The following METTL2B variants were observed in gnomAD, a reference collection of about 807,000 sequenced individuals.
METTL2B encodes tRNA N(3)-cytidine methyltransferase METTL2B.
Under a neutral mutation model 51.0 loss-of-function variants are expected in METTL2B, and 28 were observed. The ratio of observed to expected loss-of-function variants is 0.55; its 90% CI spans 0.41 to 0.75. The LOEUF (loss-of-function observed/expected upper bound fraction) is 0.75, where lower values mean the gene tolerates loss of function less well. Ranked by LOEUF, METTL2B falls within the 30% of genes least tolerant of loss-of-function variation. The pLI is 0.00. For synonymous variants in METTL2B, 128 were observed against 166.3 expected (o/e 0.77, Z 1.77); for missense variants, 313 against 460.7 (o/e 0.68, Z 2.93).
intron 7 of METTL2B, among the ~76,000 whole-genome samples, chr7:128,498,409 G>A (rs1037732960): frequency 1.3e-5 from 2 of 151,820 alleles, no homozygotes; most frequent in African/African-American, 4.8e-5. Flanking sequence ...GGGTAGATAG[G>A]TGCAGCAAAC....
In METTL2B at chr7:128,500,929, G is replaced by A. The variant is rs139332186; in HGVS notation, c.943G>A (p.Val315Met). 4.9e-5 allele frequency: 79 copies of A among 1,614,116 alleles called. No homozygotes were observed. In the African/African-American group the frequency reaches 8.5e-4, roughly 17 times the overall value. ...KGQCLSGNFY[V>M]RGDGTRVYFF... ...TCAGTGTCTATCTGGAAATTTCTAT[G>A]TGAGAGGTGATGGAACCAGAGTTTA... is the stretch of plus-strand genomic sequence containing the variant. The change falls in exon 8 of 9, where the codon GTG (valine) becomes ATG (methionine). Residue 315 changes from valine (V) to methionine (M), a missense_variant. Around this residue, in one of 4 missense-constraint regions of METTL2B, gnomAD observed 138 missense variants for 187.6 expected, o/e 0.74. Coordinates refer to ENST00000262432, the MANE Select transcript of METTL2B (RefSeq NM_018396.3).
In METTL2B at chr7:128,503,923, GGGAGGC is replaced by G. The variant is rs1793075499; in HGVS notation, c.*2013_*2018del. The G allele has an allele frequency of 6.6e-6, 1 of 152,114 alleles. No homozygotes were observed. Among genetic ancestry groups the G allele is most frequent in the Non-Finnish European group, 1.5e-5 (1 of 68,030 alleles). The allele number at this position is 152,114 out of a possible 1,614,324, so 9.4% of individuals were successfully genotyped here. On this transcript the variant is annotated 3_prime_UTR_variant, in exon 9 of 9. Coordinates refer to ENST00000262432, the MANE Select transcript of METTL2B (RefSeq NM_018396.3). ...TGAGGTAGGAGAATTGCTTGAACCTGGGAGGCGGAGGTTGCAGTGAGCTGAGATGGT... is the reference window on the plus strand; with the variant it reads ...TGAGGTAGGAGAATTGCTTGAACCTGGGAGGTTGCAGTGAGCTGAGATGGT...
intron 5 of METTL2B, among the ~76,000 whole-genome samples, chr7:128,488,891 T>G (rs1398653890): frequency 6.6e-6 from 1 of 151,800 alleles, no homozygotes; most frequent in Non-Finnish European, 1.5e-5. Context: ...GATCACGAGG[T>G]CAGGAGTTCA....
At position 128,498,399 on chromosome 7, in the gene METTL2B, G is replaced by A. The variant is rs141232982; in HGVS notation, c.916+257G>A. On this transcript the variant is annotated intron_variant, in intron 7 of 8. Coordinates refer to ENST00000262432, the MANE Select transcript of METTL2B (RefSeq NM_018396.3). ...AGCAGAAATACCTAATGTAGATGAC[G>A]GGTAGATAGGTGCAGCAAACCTCCA... Among the ~76,000 whole-genome samples, 1,261 of 151,842 alleles carry A rather than the reference G, an allele frequency of 8.3e-3. 15 individuals are homozygous for A. Among genetic ancestry groups the A allele is most frequent in the African/African-American group, 0.029 (1,198 of 41,370 alleles).
chr7:128,485,512 A>C lies in METTL2B; in HGVS notation c.609-2589A>C, dbSNP rs555286512. Among the ~76,000 whole-genome samples, 278 of 152,230 alleles carry C rather than the reference A, an allele frequency of 1.8e-3. 1 individual carries two copies. The highest frequency in any genetic ancestry group is 6.4e-3 in the African/African-American group (266 of 41,540). On this transcript the variant is annotated intron_variant, in intron 4 of 8. Coordinates refer to ENST00000262432, the MANE Select transcript of METTL2B (RefSeq NM_018396.3). ...CCCCGTCTCCACTCAAAATACAAAA[A>C]AAAATTAGCCAGTCGTGGTGGCAGG... is the stretch of plus-strand genomic sequence containing the variant.
Position 128,503,601 on chromosome 7 carries a change from A to C in METTL2B, c.*1685A>C, listed in dbSNP as rs1025254009. ...AGGTGGGCACCATCATGCCTAGCTA[A>C]TTGTTAGATCCTTTTTTTTTATGTT... On this transcript the variant is annotated 3_prime_UTR_variant, in exon 9 of 9. Coordinates refer to ENST00000262432, the MANE Select transcript of METTL2B (RefSeq NM_018396.3). 3.9e-5 allele frequency: 6 copies of C among 152,102 alleles called. No individual in the cohort carries two copies. Among genetic ancestry groups the C allele is most frequent in the African/African-American group, 9.7e-5 (4 of 41,418 alleles). 9.4% of individuals were successfully genotyped at this position (152,102 alleles called of 1,614,324 possible). A position where few individuals can be genotyped will look rare whatever the true frequency, so the allele number is the denominator to read the frequency against.
chr7:128,495,213 G>A (rs1159982840), intron 6 of METTL2B, among the ~76,000 whole-genome samples: 5 of 151,774 alleles, frequency 3.3e-5, no homozygotes, highest in Non-Finnish European at 5.9e-5. Context: ...GAGCCACCAC[G>A]CCCAGCCTAT....
At chr7:128,489,039 C>G (rs1193171655) in intron 5 of METTL2B, among the ~76,000 whole-genome samples, 1 of 152,140 alleles carries the variant, frequency 6.6e-6, no homozygotes, top group East Asian at 1.9e-4. Flanking sequence ...CACTTAAACT[C>G]AGGAGGCGGA....
chr7:128,477,180 T>C lies in METTL2B; in HGVS notation c.202+7T>C, dbSNP rs769833486. 174 of 1,613,626 alleles carry C rather than the reference T, an allele frequency of 1.1e-4. No homozygotes were observed. Among genetic ancestry groups the C allele is most frequent in the Admixed American group, 2.0e-4 (12 of 59,962 alleles). ...GTGTGCCAGGAGAAACAAGGTGCGC[T>C]TAAATGGGCTCTCGTTGGTATCAAC... On this transcript the variant is annotated splice_region_variant and intron_variant, in intron 2 of 8. Coordinates refer to ENST00000262432, the MANE Select transcript of METTL2B (RefSeq NM_018396.3).
At chr7:128,487,364 C>T (rs572303337) in intron 4 of METTL2B, among the ~76,000 whole-genome samples, 42 of 152,260 alleles carry the variant, frequency 2.8e-4, no homozygotes, top group African/African-American at 4.8e-4. Flanking sequence ...ATACAGCCTT[C>T]CTCCTCTCCC....
chr7:128,485,050 A>T (rs1250486008), intron 4 of METTL2B, among the ~76,000 whole-genome samples: 2 of 152,172 alleles, frequency 1.3e-5, no homozygotes, highest in Non-Finnish European at 2.9e-5. Flanking sequence ...CTACAAATGC[A>T]CAAATCTCTA....
At chr7:128,501,347 C>T (rs1000963075) in intron 8 of METTL2B, 13 of 985,340 alleles carry the variant, frequency 1.3e-5, no homozygotes, top group Admixed American at 6.1e-5. Flanking sequence ...GAACTGCTCT[C>T]CTCTGCAACT....
At chr7:128,485,566 T>C (rs1226858976) in intron 4 of METTL2B, among the ~76,000 whole-genome samples, 1 of 150,954 alleles carries the variant, frequency 6.6e-6, no homozygotes, top group Non-Finnish European at 1.5e-5. Flanking sequence ...CTCGGGAGGC[T>C]GAGGCAGGAG....
At chr7:128,479,625 A>G (rs1263883289) in intron 3 of METTL2B, 112 bp downstream of exon 3, 29 of 1,196,394 alleles carry the variant, frequency 2.4e-5, no homozygotes, top group Middle Eastern at 2.0e-4. Context: ...GATGCTGACT[A>G]GACTTGACCC....
chr7:128,484,247 A>ATTTTTTTTTTTTT (rs1792659615), intron 4 of METTL2B: 2 of 7,670 alleles, frequency 2.6e-4, no homozygotes, highest in Non-Finnish European at 5.5e-4. Context: ...TTTTTTTTTG[A>ATTTTTTTTTTTTT]GACAGGATTT....
intron 5 of METTL2B, among the ~76,000 whole-genome samples, chr7:128,491,421 C>T (rs2116857194): frequency 6.6e-6 from 1 of 152,122 alleles, no homozygotes; most frequent in East Asian, 1.9e-4. Flanking sequence ...TATGGTGAAA[C>T]TCCATCTCTA....
intron 7 of METTL2B, among the ~76,000 whole-genome samples, chr7:128,498,653 G>A (rs942328439): frequency 3.3e-5 from 5 of 152,010 alleles, no homozygotes; most frequent in Admixed American, 2.6e-4. Flanking sequence ...TCTAGATATT[G>A]AGGTCTTTTT....
At chr7:128,496,756 T>TTTTC (rs1053628120) in intron 6 of METTL2B, among the ~76,000 whole-genome samples, 1 of 100,272 alleles carries the variant, frequency 1.0e-5, no homozygotes, top group Non-Finnish European at 2.0e-5. Flanking sequence ...CCCAGCTGCT[T>TTTTC]TTTCTTTGTT....
intron 2 of METTL2B, chr7:128,477,805 TA>T (rs1799822011): frequency 3.3e-6 from 1 of 303,374 alleles, no homozygotes; most frequent in Admixed American, 3.9e-5. Flanking sequence ...ACAAATTTAG[TA>T]CCTGCTGAAA....
Sources: gnomAD v4.1 joint callset for allele counts (sites outside exome capture counted in the v4.1 genomes callset) on GRCh38, gnomAD v4.1.1 for gene constraint, gnomAD v4.1.1 regional missense constraint, MANE v1.5 for transcripts, NCBI Gene and HGNC (gene_info 2026-07-23, HGNC 2026-07-21) for gene names.